The following SPAG9 variants were observed in gnomAD, a reference collection of about 807,000 sequenced individuals.
SPAG9 encodes the protein sperm associated antigen 9.
A neutral mutation model predicts 166.5 loss-of-function variants in SPAG9; 35 were observed. The observed-to-expected ratio is 0.21, with a 90% CI of 0.16 to 0.28. The LOEUF (loss-of-function observed/expected upper bound fraction) is 0.28, where lower values mean the gene tolerates loss of function less well. Ranked by LOEUF, SPAG9 falls within the 10% of genes least tolerant of loss-of-function variation. SPAG9 has a pLI of 1.00. For synonymous variants in SPAG9, 534 were observed against 565.5 expected (o/e 0.94, Z 0.79); for missense variants, 1,235 against 1,603.3 (o/e 0.77, Z 3.92).
chr17:51,016,654 A>T (rs2045709436), intron 8 of SPAG9, among the ~76,000 whole-genome samples: 2 of 152,272 alleles, frequency 1.3e-5, no homozygotes, highest in African/African-American at 4.8e-5. Flanking sequence ...CACGCCTGTA[A>T]TCCCAGCACT....
intron 6 of SPAG9, among the ~76,000 whole-genome samples, chr17:51,030,315 A>G (rs1333194892): frequency 6.6e-6 from 1 of 152,176 alleles, no homozygotes; most frequent in African/African-American, 2.4e-5. Flanking sequence ...TGAGTAGCCT[A>G]ACTTCTGAAA....
chr17:51,008,088 C>T (rs1432081107), intron 9 of SPAG9, among the ~76,000 whole-genome samples: 1 of 152,118 alleles, frequency 6.6e-6, no homozygotes, highest in Non-Finnish European at 1.5e-5. Context: ...AATTCTTTCT[C>T]ACAATAAGAT....
intron 4 of SPAG9, chr17:51,046,707 C>T (rs749834097): frequency 6.6e-5 from 102 of 1,535,748 alleles, no homozygotes; most frequent in Non-Finnish European, 8.4e-5. Flanking sequence ...GAGGCCTACA[C>T]GGGGGCCAAA....
At chr17:51,031,556 G>T in intron 6 of SPAG9, 125 bp downstream of exon 6, 1 of 730,586 alleles carries the variant, frequency 1.4e-6, no homozygotes, top group South Asian at 1.7e-5. Flanking sequence ...TTATATTTCA[G>T]TGAATTACAA....
intron 15 of SPAG9, among the ~76,000 whole-genome samples, chr17:50,997,139 A>C (rs1001542518): frequency 2.6e-5 from 4 of 151,818 alleles, no homozygotes; most frequent in Non-Finnish European, 4.4e-5. Flanking sequence ...TCCATCTCAA[A>C]AAACAAACAA....
chr17:50,974,866 G>A lies in SPAG9; in HGVS notation c.3605C>T (p.Thr1202Ile), dbSNP rs751953042. Reference protein sequence around the residue: ...VYGDENSDKVTPGTFIPYCSM... With the variant: ...VYGDENSDKVIPGTFIPYCSM... ...ACAATAGGGTATAAATGTCCCTGGA[G>A]TCACTTTATCACTGTTTTCATCACC... Residue 1202 changes from threonine (T) to isoleucine (I), a missense_variant, in exon 28 of 30, where the codon ACT (threonine) becomes ATT (isoleucine). Physicochemically the swap from Thr to Ile is moderately conservative, Grantham distance 89 (BLOSUM62 -1). Transcript: ENST00000262013. The A allele has an allele frequency of 6.2e-7, 1 of 1,612,834 alleles. No individual in the cohort carries two copies. The highest frequency in any genetic ancestry group is 1.1e-5 in the South Asian group (1 of 90,798).
rs975282665 is a variant in SPAG9, at chr17:51,046,901, C to T, written c.590+474G>A. On this transcript the variant is annotated intron_variant, in intron 4 of 29. Coordinates refer to ENST00000262013, the MANE Select transcript of SPAG9 (RefSeq NM_001130528.3). ...TGCAGCAACCCCAAGCGACAGCCAG[C>T]CTATTAACTATTTTCCCCTCCACTA... 20 of 1,510,524 alleles carry T rather than the reference C, an allele frequency of 1.3e-5. No individual in the cohort carries two copies. In the African/African-American group the frequency reaches 1.8e-4, roughly 14 times the overall value. 93.6% of individuals were successfully genotyped at this position (1,510,524 alleles called of 1,614,324 possible).
intron 6 of SPAG9, among the ~76,000 whole-genome samples, chr17:51,022,122 C>CAAA (rs747116014): frequency 1.9e-3 from 91 of 48,444 alleles, no homozygotes; most frequent in African/African-American, 5.8e-3. Context: ...GACTCCATCT[C>CAAA]AAAAAAAAAA....
chr17:51,000,752 AATG>A (rs2044906136), intron 13 of SPAG9, among the ~76,000 whole-genome samples: 92 of 22,196 alleles, frequency 4.1e-3, no homozygotes, highest in African/African-American at 0.021. Context: ...TCAATAAATG[AATG>A]AATAAATAAA....
intron 6 of SPAG9, among the ~76,000 whole-genome samples, chr17:51,022,648 A>AATG (rs1289259303): frequency 5.3e-5 from 8 of 151,026 alleles, no homozygotes; most frequent in African/African-American, 9.7e-5. Context: ...TAATAATAAT[A>AATG]ATAATAATAA....
intron 27 of SPAG9, chr17:50,975,747 A>C (rs1974161692): frequency 2.7e-6 from 2 of 730,692 alleles, no homozygotes; most frequent in African/African-American, 3.5e-5. Context: ...CGATGCAGTG[A>C]CTGCAAGTGG....
rs1973196527 is a variant in SPAG9, at chr17:50,963,031, C to T, written c.*3241G>A. The T allele has an allele frequency of 6.6e-6, 1 of 152,176 alleles. No individual in the cohort carries two copies. Among genetic ancestry groups the T allele is most frequent in the Non-Finnish European group, 1.5e-5 (1 of 68,040 alleles). 9.4% of individuals were successfully genotyped at this position (152,176 alleles called of 1,614,324 possible). ...TTCCTAGAGAATATTATCCCTTTGC[C>T]TCACAGAGATTTTAACCTGCATTTA... On this transcript the variant is annotated 3_prime_UTR_variant, in exon 30 of 30. Coordinates refer to ENST00000262013, the MANE Select transcript of SPAG9 (RefSeq NM_001130528.3).
At chr17:51,053,857 AT>A (rs1568044948) in intron 3 of SPAG9, among the ~76,000 whole-genome samples, 1,097 of 36,506 alleles carry the variant, frequency 0.03, 44 homozygotes, top group Non-Finnish European at 0.036. Context: ...AAAAAAAAGT[AT>A]ATATATATAT....
chr17:50,985,812 G>C, intron 22 of SPAG9, 34 bp from the exon 23 acceptor site: 1 of 1,257,152 alleles, frequency 8.0e-7, no homozygotes, highest in Non-Finnish European at 1.2e-6. Flanking sequence ...GTAAGGCATA[G>C]AGAACATCAA....
chr17:51,082,655 A>T (rs2048198126), intron 1 of SPAG9, among the ~76,000 whole-genome samples: 1 of 152,176 alleles, frequency 6.6e-6, no homozygotes, highest in Non-Finnish European at 1.5e-5. Context: ...AAATTTTCCA[A>T]GTTAAAAAAA....
In SPAG9 at chr17:51,001,779, G is replaced by A. The variant is rs763141267; in HGVS notation, c.1543C>T (p.Arg515Ter). 1.2e-6 allele frequency: 2 copies of A among 1,613,224 alleles called. No individual in the cohort carries two copies. The highest frequency in any genetic ancestry group is 1.7e-6 in the Non-Finnish European group (2 of 1,179,460). ...RVEMARVLME[R>*]NQYKERLMEL... Reference sequence around the variant, plus strand: ...ATCAATCTCTCTTTATACTGGTTTCGCTCCATGAGAACACGGGCCATTTCT... The same window carrying A: ...ATCAATCTCTCTTTATACTGGTTTCACTCCATGAGAACACGGGCCATTTCT... The change falls in exon 13 of 30, where the codon CGA (arginine) becomes TGA (stop). Residue 515 changes from arginine (R) to a stop codon, truncating the protein, a stop_gained. Coordinates refer to ENST00000262013, the MANE Select transcript of SPAG9 (RefSeq NM_001130528.3). LOFTEE classifies it high-confidence loss of function.
In SPAG9 at chr17:50,964,715, C is replaced by A. The variant is rs1275363564; in HGVS notation, c.*1557G>T. On this transcript the variant is annotated 3_prime_UTR_variant, in exon 30 of 30. Coordinates refer to ENST00000262013, the MANE Select transcript of SPAG9 (RefSeq NM_001130528.3). ...TCGTGGTTTTAAAAAACTTATTAAGCAAGAAAATCAGTGAAATCCAGACTT... is the reference window on the plus strand; with the variant it reads ...TCGTGGTTTTAAAAAACTTATTAAGAAAGAAAATCAGTGAAATCCAGACTT... The A allele has an allele frequency of 2.2e-6, 1 of 449,818 alleles. No homozygotes were observed. The highest frequency in any genetic ancestry group is 2.4e-5 in the Admixed American group (1 of 41,584). The allele number at this position is 449,818 out of a possible 1,614,324, so 27.9% of individuals were successfully genotyped here. A position where few individuals can be genotyped will look rare whatever the true frequency, so the allele number is the denominator to read the frequency against.
chr17:51,053,545 C>T (rs909852857), intron 3 of SPAG9, among the ~76,000 whole-genome samples: 5 of 151,716 alleles, frequency 3.3e-5, no homozygotes, highest in Non-Finnish European at 7.4e-5. Flanking sequence ...ATTAGCCAGG[C>T]GTGGTGGCAC....
chr17:51,040,937 A>T (rs529839584), intron 5 of SPAG9, among the ~76,000 whole-genome samples: 1 of 152,342 alleles, frequency 6.6e-6, no homozygotes, highest in East Asian at 1.9e-4. Context: ...GCTTATATCC[A>T]CTCAGCATAT....
Sources: allele counts gnomAD v4.1 joint callset (sites outside exome capture counted in the v4.1 genomes callset), GRCh38; gene constraint gnomAD v4.1.1; transcripts MANE v1.5; gene names NCBI Gene and HGNC (gene_info 2026-07-23, HGNC 2026-07-21).